The following DLGAP2 variants were observed in gnomAD, a reference collection of about 807,000 sequenced individuals.
DLGAP2 encodes disks large-associated protein 2.
DLGAP2 carries 26 observed loss-of-function variants against 100.3 expected under a neutral mutation model. The ratio of observed to expected loss-of-function variants is 0.26; its 90% confidence interval spans 0.19 to 0.36. The LOEUF is 0.36. DLGAP2 is among the 10% of genes least tolerant of loss of function. DLGAP2 has a pLI of 1.00. For missense variants in DLGAP2, 1,858 were observed against 1,453.2 expected (o/e 1.28, Z -4.53); for synonymous variants, 886 against 630.1 (o/e 1.41, Z -6.08).
chr8:1,283,192 C>A (rs977141678), intron 3 of DLGAP2, among the ~76,000 whole-genome samples: 2 of 150,794 alleles, frequency 1.3e-5, no homozygotes, highest in South Asian at 4.3e-4. Flanking sequence ...GCACGTGAAC[C>A]ATCCAGACGT....
intron 2 of DLGAP2, among the ~76,000 whole-genome samples, chr8:1,142,308 C>T (rs767398841): frequency 4.6e-5 from 7 of 152,074 alleles, no homozygotes; most frequent in Non-Finnish European, 1.0e-4. Context: ...AAGTACGACA[C>T]AGAAGCCATG....
At chr8:1,173,137 A>C (rs1797166846) in intron 2 of DLGAP2, among the ~76,000 whole-genome samples, 1 of 152,188 alleles carries the variant, frequency 6.6e-6, no homozygotes, top group Non-Finnish European at 1.5e-5. Context: ...GGAGTTTGCT[A>C]GAGGTCCACT....
chr8:1,358,967 C>T (rs553659054), intron 3 of DLGAP2, among the ~76,000 whole-genome samples: 20 of 152,098 alleles, frequency 1.3e-4, no homozygotes, highest in African/African-American at 4.3e-4. Context: ...TCTGGGCCAG[C>T]GGGTCTGAAA....
chr8:1,378,864 G>A (rs1052494899), intron 3 of DLGAP2, among the ~76,000 whole-genome samples: 2 of 152,108 alleles, frequency 1.3e-5, no homozygotes, highest in African/African-American at 4.8e-5. Context: ...CCCCTTCAGG[G>A]CAGTGTGGTC....
intron 2 of DLGAP2, among the ~76,000 whole-genome samples, chr8:1,197,416 C>T (rs1797775442): frequency 6.6e-6 from 1 of 152,186 alleles, no homozygotes; most frequent in South Asian, 2.1e-4. Flanking sequence ...AGACAAAGGC[C>T]CTGGATAGAA....
chr8:1,306,239 A>G (rs1276028326), intron 3 of DLGAP2, among the ~76,000 whole-genome samples: 2 of 152,206 alleles, frequency 1.3e-5, no homozygotes, highest in Non-Finnish European at 2.9e-5. Flanking sequence ...AGGATTCAGC[A>G]AAGTGTCTGC....
At chr8:1,018,690 T>G (rs1801541971) in intron 2 of DLGAP2, 2 of 152,256 alleles carry the variant, frequency 1.3e-5, no homozygotes, top group East Asian at 3.8e-4. Flanking sequence ...CTTTTTACAT[T>G]TAATTGACTA....
rs148299954 is a variant in DLGAP2, at chr8:1,298,715, G to T, written c.106+39832G>T. Among the ~76,000 whole-genome samples, 485 of 152,318 alleles carry T rather than the reference G, an allele frequency of 3.2e-3. 1 individual carries two copies. The highest frequency in any genetic ancestry group is 0.011 in the African/African-American group (464 of 41,562). ...GGACAAGCATGCATGCATGCCAGAGGGGAACTAGAATGTCAAAAGGGCAAG... is the reference window on the plus strand; with the variant it reads ...GGACAAGCATGCATGCATGCCAGAGTGGAACTAGAATGTCAAAAGGGCAAG... On this transcript the variant is annotated intron_variant, in intron 3 of 14. Coordinates refer to ENST00000637795, the MANE Select transcript of DLGAP2 (RefSeq NM_001346810.2).
intron 2 of DLGAP2, chr8:1,002,119 A>AC (rs1800977264): frequency 6.6e-6 from 1 of 151,658 alleles, no homozygotes; most frequent in Non-Finnish European, 1.5e-5. Context: ...GCAGATGAAG[A>AC]CCCCCAGGCC....
chr8:1,492,060 A>C (rs530930367), intron 3 of DLGAP2, among the ~76,000 whole-genome samples: 1 of 152,332 alleles, frequency 6.6e-6, no homozygotes, highest in South Asian at 2.1e-4. Flanking sequence ...TTGCTTCATT[A>C]GTGACTTTGA....
At chr8:1,278,198 T>G (rs919943439) in intron 3 of DLGAP2, among the ~76,000 whole-genome samples, 6 of 152,206 alleles carry the variant, frequency 3.9e-5, no homozygotes, top group African/African-American at 1.4e-4. Flanking sequence ...AAGAGCTGTA[T>G]GCGTCGGACA....
intron 2 of DLGAP2, 30 bp from the exon 3 acceptor site, chr8:1,258,821 G>T (rs757784690): frequency 4.9e-6 from 6 of 1,231,498 alleles, no homozygotes; most frequent in Admixed American, 8.4e-5. Context: ...CCCTGTGGGT[G>T]TAACAGCTTC....
In DLGAP2 at chr8:1,644,458, G is replaced by A. The variant is rs553049092; in HGVS notation, c.1810+11412G>A. ...CATGCCTCTACGGCTGCTGCTCGTC[G>A]GCCCGCAGTTTCTTCCTTGAGTTTC... On this transcript the variant is annotated intron_variant, in intron 8 of 14. Coordinates refer to ENST00000637795, the MANE Select transcript of DLGAP2 (RefSeq NM_001346810.2). Among the ~76,000 whole-genome samples, 453 of 152,258 alleles carry A rather than the reference G, an allele frequency of 3.0e-3. 6 individuals are homozygous for A. Among genetic ancestry groups the A allele is most frequent in the Middle Eastern group, 0.017 (5 of 294 alleles).
chr8:765,301 TA>T (rs1399775453), intron 1 of DLGAP2, among the ~76,000 whole-genome samples: 1 of 152,254 alleles, frequency 6.6e-6, no homozygotes, highest in African/African-American at 2.4e-5. Flanking sequence ...GTATCAATGT[TA>T]AATACTGTAT....
intron 3 of DLGAP2, among the ~76,000 whole-genome samples, chr8:1,433,002 C>T (rs62484244): frequency 0.079 from 12,005 of 152,198 alleles, 859 homozygotes; most frequent in East Asian, 0.36. Context: ...GCTGGACCTC[C>T]ATGGAGGTGA....
At position 746,804 on chromosome 8, in the gene DLGAP2, G is replaced by A. The variant is rs188626245; in HGVS notation, c.18+8979G>A. 4.0e-3 allele frequency among the ~76,000 whole-genome samples: 615 copies of A among 152,342 alleles called. 1 individual carries two copies. The highest frequency in any genetic ancestry group is 6.6e-3 in the Non-Finnish European group (448 of 68,030). On this transcript the variant is annotated intron_variant, in intron 1 of 14. Transcript: ENST00000637795. The stretch of plus-strand genomic sequence containing the variant: ...ACAGCCGGGCATCCTCAGCAACCAG[G>A]TTCCCTCTGTCTGCTCTGTGGCCTT...
At chr8:903,611 C>T (rs543220649) in intron 1 of DLGAP2, among the ~76,000 whole-genome samples, 2 of 152,202 alleles carry the variant, frequency 1.3e-5, no homozygotes, top group Admixed American at 6.5e-5. Flanking sequence ...GTTATTCCTC[C>T]ACTCTGTTCA....
chr8:1,029,814 A>G, intron 2 of DLGAP2, among the ~76,000 whole-genome samples: 1 of 152,174 alleles, frequency 6.6e-6, no homozygotes, highest in Non-Finnish European at 1.5e-5. Context: ...TGGGAGGGGC[A>G]GGTGGGGTCA....
intron 1 of DLGAP2, among the ~76,000 whole-genome samples, chr8:824,191 C>T (rs1585902710): frequency 6.6e-6 from 1 of 152,188 alleles, no homozygotes; most frequent in African/African-American, 2.4e-5. Context: ...CCTCCCATCT[C>T]AGCCTCCTGA....
Sources: allele counts gnomAD v4.1 joint callset (sites outside exome capture counted in the v4.1 genomes callset), GRCh38; gene constraint gnomAD v4.1.1; transcripts MANE v1.5; gene names NCBI Gene and HGNC (gene_info 2026-07-23, HGNC 2026-07-21).